HPS4: variants seen among roughly 807,000 people sequenced by gnomAD.
HPS4 encodes BLOC-3 complex member HPS4.
A neutral mutation model predicts 70.3 loss-of-function variants in HPS4; 44 were observed. The ratio of observed to expected loss-of-function variants is 0.63; its 90% confidence interval spans 0.49 to 0.80. The LOEUF (loss-of-function observed/expected upper bound fraction) is 0.80. HPS4 is among the 30% of genes least tolerant of loss of function. The pLI, the probability that HPS4 is intolerant of heterozygous loss-of-function variation, is 0.00. For synonymous variants in HPS4, 377 were observed against 355.9 expected, an observed-to-expected ratio of 1.06 and a Z score of -0.67; for missense variants, 873 against 884.4, an observed-to-expected ratio of 0.99 and a Z score of 0.16.
At chr22:26,449,383 GC>G (rs2085065677), downstream of HPS4, among the ~76,000 whole-genome samples, 1 of 143,734 alleles carries the variant, frequency 7.0e-6, no homozygotes, top group East Asian at 2.0e-4. Context: ...AGGCTGGAGT[GC>G]AATGAATCTC....
chr22:26,464,655 G>A lies in HPS4; in HGVS notation c.975C>T (p.Asn325=), dbSNP rs763915803. Residue 325 remains asparagine (N), a synonymous_variant, in exon 11 of 14, where the codon AAC becomes AAT. Coordinates refer to ENST00000398145, the MANE Select transcript of HPS4 (RefSeq NM_022081.6). ...CCAGATCATGGCCAGACAAGCATCC[G>A]TTCTCCTTCCTGCCATCTGGACAAG... ...DEACPDGRKE[N]GCLSGHDLES... 6.8e-6 allele frequency: 11 copies of A among 1,612,498 alleles called. No individual in the cohort carries two copies. Among genetic ancestry groups the A allele is most frequent in the East Asian group, 4.5e-5 (2 of 44,852 alleles).
chr22:26,474,529 T>G (rs1383623238), intron 4 of HPS4, among the ~76,000 whole-genome samples: 2 of 152,294 alleles, frequency 1.3e-5, no homozygotes, highest in Middle Eastern at 3.4e-3. Context: ...GAGTAGGCAG[T>G]GGTTTTTTTC....
At chr22:26,457,799 G>T in intron 13 of HPS4, 60 bp downstream of exon 13, 1 of 1,284,126 alleles carries the variant, frequency 7.8e-7, no homozygotes, top group Non-Finnish European at 1.1e-6. Flanking sequence ...GGGCCCCACA[G>T]GTGGTTCCCA....
At chr22:26,459,542 G>T (rs1168102875) in intron 11 of HPS4, among the ~76,000 whole-genome samples, 1 of 152,172 alleles carries the variant, frequency 6.6e-6, no homozygotes, top group African/African-American at 2.4e-5. Context: ...GCTTGACTCA[G>T]TAGGCCAGGC....
chr22:26,450,714 G>C (rs2085121670), downstream of HPS4, among the ~76,000 whole-genome samples: 1 of 152,204 alleles, frequency 6.6e-6, no homozygotes, highest in Non-Finnish European at 1.5e-5. Context: ...TCTTGTGACA[G>C]TTCTCGTGAG....
chr22:26,456,082 G>A (rs961201189), intron 13 of HPS4, among the ~76,000 whole-genome samples: 34 of 152,166 alleles, frequency 2.2e-4, no homozygotes, highest in Non-Finnish European at 4.4e-4. Flanking sequence ...GGCTGGAGAC[G>A]CTGAGAGGCA....
rs780700906 is a variant in HPS4 at position 26,464,779 on chromosome 22, T to C, written c.851A>G (p.His284Arg). Residue 284 changes from histidine (H) to arginine (R), a missense_variant, in exon 11 of 14, where the codon CAT becomes CGT. Transcript: ENST00000398145. ...GGCAGATGTGCTCCCACCCTTTGGA[T>C]GGTGCTGGGCTGAACCATCCTGGAG... Reference protein sequence around the residue: ...AGLQDGSAQHHPKGGSTSALK... With the variant: ...AGLQDGSAQHRPKGGSTSALK... The C allele has an allele frequency of 8.8e-6, 14 of 1,586,460 alleles. No homozygotes were observed. The highest frequency in any genetic ancestry group is 5.3e-5 in the Admixed American group (3 of 56,486).
At chr22:26,460,257 G>A (rs1444272339) in intron 11 of HPS4, among the ~76,000 whole-genome samples, 1 of 152,240 alleles carries the variant, frequency 6.6e-6, no homozygotes, top group Non-Finnish European at 1.5e-5. Flanking sequence ...AACCAAGGTT[G>A]CAGAGCTATG....
Position 26,465,637 on chromosome 22 carries a change from A to G in HPS4, c.707-86T>C, listed in dbSNP as rs182944256. The G allele has an allele frequency of 2.7e-6, 3 of 1,108,102 alleles. No homozygotes were observed. The African/African-American group carries it at 4.6e-5, about 17-fold the overall frequency. 68.6% of individuals were successfully genotyped at this position (1,108,102 alleles called of 1,614,324 possible). A position where few individuals can be genotyped will look rare whatever the true frequency, so the allele number is the denominator to read the frequency against. On this transcript the variant is annotated intron_variant, in intron 9 of 13. Coordinates refer to ENST00000398145, the MANE Select transcript of HPS4 (RefSeq NM_022081.6). ...ATAGCTGCACTGGCGTGATGCATCC[A>G]ACCCACACGTGGGCTCGGAAAGGGG...
In HPS4 at chr22:26,482,071, G is replaced by T. The variant is rs1602141606; in HGVS notation, c.-309C>A. ...CTCTGGTTTCCTAAGTATCACTGTG[G>T]CTGTCTGCAGAACCACCTCTTCAAG... On this transcript the variant is annotated 5_prime_UTR_variant, in exon 2 of 14. Coordinates refer to ENST00000398145, the MANE Select transcript of HPS4 (RefSeq NM_022081.6). 1 of 384,512 alleles carries T rather than the reference G, an allele frequency of 2.6e-6. No homozygotes were observed. Among genetic ancestry groups the T allele is most frequent in the Non-Finnish European group, 4.9e-6 (1 of 202,856 alleles). 23.8% of individuals were successfully genotyped at this position (384,512 alleles called of 1,614,324 possible).
chr22:26,454,282 G>A (rs1232992813), intron 13 of HPS4, among the ~76,000 whole-genome samples: 2 of 152,210 alleles, frequency 1.3e-5, no homozygotes, highest in Non-Finnish European at 2.9e-5. Context: ...AGGGCTCCGA[G>A]GCCAGATGGT....
rs189088335 is a variant in HPS4 at position 26,479,085 on chromosome 22, C to T, written c.132+180G>A. The stretch of plus-strand genomic sequence containing the variant: ...AGAAAGCTAAAGACGATGAAAGTGC[C>T]GAGCTGCCTGGAAATTTTAAGACCA... On this transcript the variant is annotated intron_variant, in intron 3 of 13. Transcript: ENST00000398145. Among the ~76,000 whole-genome samples the T allele has an allele frequency of 3.3e-5, 5 of 152,226 alleles. No homozygotes were observed. The East Asian group carries it at 9.6e-4, about 29-fold the overall frequency.
chr22:26,479,565 T>C (rs1602113394), intron 2 of HPS4: 8 of 1,401,368 alleles, frequency 5.7e-6, no homozygotes, highest in Non-Finnish European at 9.2e-7. Context: ...TATGCCTCTA[T>C]CCAGCCGTTA....
At chr22:26,448,900 C>T (rs6005051), downstream of HPS4, among the ~76,000 whole-genome samples, 3,353 of 152,292 alleles carry the variant, frequency 0.022, 54 homozygotes, top group Middle Eastern at 0.075. Flanking sequence ...CCCCTGTCTC[C>T]TCACAGAGAG....
chr22:26,465,231 T>C (rs1200661667), intron 10 of HPS4, among the ~76,000 whole-genome samples: 2 of 152,210 alleles, frequency 1.3e-5, no homozygotes, highest in African/African-American at 2.4e-5. Context: ...CAAGGTCCCA[T>C]AGCTGGTATA....
rs1048244353 is a variant in HPS4 at position 26,452,380 on chromosome 22, G to A, written c.*853C>T. 5 of 456,154 alleles carry A rather than the reference G, an allele frequency of 1.1e-5. No homozygotes were observed. The highest frequency in any genetic ancestry group is 8.0e-5 in the African/African-American group (4 of 49,968). The allele number at this position is 456,154 out of a possible 1,614,324, so 28.3% of individuals were successfully genotyped here. A position where few individuals can be genotyped will look rare whatever the true frequency, so the allele number is the denominator to read the frequency against. ...GCCCAGGAACACACAGCTGAGTGTCGCTCCCTTTCACGCAGCCACCACTGA... is the reference window on the plus strand; with the variant it reads ...GCCCAGGAACACACAGCTGAGTGTCACTCCCTTTCACGCAGCCACCACTGA... On this transcript the variant is annotated 3_prime_UTR_variant, in exon 14 of 14. Coordinates refer to ENST00000398145, the MANE Select transcript of HPS4 (RefSeq NM_022081.6).
At chr22:26,447,032 C>T (rs2084976366), downstream of HPS4, among the ~76,000 whole-genome samples, 1 of 152,196 alleles carries the variant, frequency 6.6e-6, no homozygotes, top group Admixed American at 6.5e-5. Context: ...GGCCAGCAGC[C>T]ACTGCTTTTA....
chr22:26,483,214 G>A (rs1228767645), intron 1 of HPS4, among the ~76,000 whole-genome samples: 1 of 152,174 alleles, frequency 6.6e-6, no homozygotes, highest in Non-Finnish European at 1.5e-5. Flanking sequence ...TGGAACCAAG[G>A]ACAGCAGCCT....
chr22:26,479,329 C>T lies in HPS4; in HGVS notation c.68G>A (p.Gly23Asp). Residue 23 changes from glycine (G) to aspartate (D), a missense_variant, in exon 3 of 14, where the codon GGT becomes GAT. Physicochemically the swap from Gly to Asp is moderately conservative, Grantham distance 94. Transcript: ENST00000398145. ...ATCGCCTTCTTCCTTTACCTTGGAA[C>T]CATCATAAAGAAAAAAATAATTCCA... is the stretch of plus-strand genomic sequence containing the variant. Reference protein sequence around the residue: ...SWWNYFFLYDGSKVKEEGDPT... With the variant: ...SWWNYFFLYDDSKVKEEGDPT... The T allele has an allele frequency of 6.2e-7, 1 of 1,614,114 alleles. No homozygotes were observed.
Sources: gnomAD v4.1 joint callset for allele counts (sites outside exome capture counted in the v4.1 genomes callset) on GRCh38, gnomAD v4.1.1 for gene constraint, MANE v1.5 for transcripts, NCBI Gene and HGNC (gene_info 2026-07-23, HGNC 2026-07-21) for gene names.